Variants in ZNF160 observed in about 807,000 individuals in gnomAD.
The protein encoded by ZNF160 is KRAB zinc finger protein KR18.
A neutral mutation model predicts 13.1 loss-of-function variants in ZNF160; 9 were observed. The observed-to-expected ratio is 0.69, with a 90% CI of 0.41 to 1.20. ZNF160 has a LOEUF of 1.20. Ranked by LOEUF, ZNF160 falls within the 50% of genes most tolerant of loss-of-function variation. The pLI is 0.01. For missense variants in ZNF160, 838 were observed against 988.0 expected (o/e 0.85, Z 2.04); for synonymous variants, 293 against 333.2 (o/e 0.88, Z 1.31).
chr19:53,074,742 G>C (rs973082087), intron 4 of ZNF160, among the ~76,000 whole-genome samples: 2 of 150,756 alleles, frequency 1.3e-5, no homozygotes, highest in African/African-American at 4.9e-5. Flanking sequence ...CATGCTGATA[G>C]AAGGCTCTAT....
chr19:53,075,849 C>T (rs767569075), intron 3 of ZNF160: 9 of 518,338 alleles, frequency 1.7e-5, no homozygotes, highest in South Asian at 1.1e-4. Context: ...TTGAGAAGCA[C>T]AGGCCACAAC....
In ZNF160 at chr19:53,069,741, C is replaced by T. The variant is rs2084094486; in HGVS notation, c.793G>A (p.Ala265Thr). ...KPYKCNECGK[A>T]FTQNSNLTSH... ...GTAAGGTTCGAATTCTGAGTGAACG[C>T]CTTGCCACATTCATTACATTTATAA... is the stretch of plus-strand genomic sequence containing the variant. The change falls in exon 6 of 6, where the codon GCG becomes ACG. Residue 265 changes from alanine to threonine, a missense_variant. Around this residue, in one of 3 missense-constraint regions of ZNF160, gnomAD observed 387 missense variants for 402.3 expected, o/e 0.96. Coordinates refer to ENST00000683776, the MANE Select transcript of ZNF160 (RefSeq NM_001322131.2). This position sits in a 1 kb window ranked among gnomAD's most constrained non-coding sequence, Gnocchi z 4.4. 3 of 1,614,052 alleles carry T rather than the reference C, an allele frequency of 1.9e-6. No individual in the cohort carries two copies. The highest frequency in any genetic ancestry group is 1.3e-5 in the African/African-American group (1 of 75,000).
chr19:53,093,666 G>A (rs900196623), intron 1 of ZNF160: 1 of 152,060 alleles, frequency 6.6e-6, no homozygotes, highest in African/African-American at 2.4e-5. Context: ...AAATTATCCA[G>A]GTGTGGTGGT....
In ZNF160 at chr19:53,103,386, G is replaced by A. The variant is rs899147724; in HGVS notation, c.-475C>T. Reference sequence around the variant, plus strand: ...CACAGAGGAACACTCATACGCCATGGTGTGATGCTTGCTCCGCACGATCCA... The same window carrying A: ...CACAGAGGAACACTCATACGCCATGATGTGATGCTTGCTCCGCACGATCCA... On this transcript the variant is annotated 5_prime_UTR_variant, in exon 1 of 6. Coordinates refer to ENST00000683776, the MANE Select transcript of ZNF160 (RefSeq NM_001322131.2). 2 of 152,248 alleles carry A rather than the reference G, an allele frequency of 1.3e-5. No homozygotes were observed. The highest frequency in any genetic ancestry group is 2.4e-5 in the African/African-American group (1 of 41,440). The allele number at this position is 152,248 out of a possible 1,614,324, so 9.4% of individuals were successfully genotyped here.
intron 1 of ZNF160, among the ~76,000 whole-genome samples, chr19:53,102,159 T>C (rs987104468): frequency 7.9e-5 from 12 of 152,186 alleles, no homozygotes; most frequent in African/African-American, 2.9e-4. Context: ...ATTCTTCCAA[T>C]TTGTTTCACC....
Position 53,069,426 on chromosome 19 carries a change from T to C in ZNF160, c.1108A>G (p.Lys370Glu). The C allele has an allele frequency of 6.2e-7, 1 of 1,614,160 alleles. No individual in the cohort carries two copies. Among genetic ancestry groups the C allele is most frequent in the Non-Finnish European group, 8.5e-7 (1 of 1,180,034 alleles). Residue 370 changes from lysine (K) to glutamate (E), a missense_variant, in exon 6 of 6, where the codon AAA becomes GAA. This residue lies in a region of ZNF160 where 400 missense variants were observed against 538.9 expected (regional missense o/e 0.74). Transcript: ENST00000683776. This position sits in a 1 kb window ranked among gnomAD's most constrained non-coding sequence, Gnocchi z 4.4. ...QLIHTGEKPF[K>E]CNECGKLFTQ... ...AAGAGCTTGCCACATTCATTACATT[T>C]GAACGGTTTTTCTCCAGTATGAATT...
chr19:53,067,108 A>G lies in ZNF160; in HGVS notation c.*969T>C, dbSNP rs943898472. On this transcript the variant is annotated 3_prime_UTR_variant, in exon 6 of 6. Transcript: ENST00000683776. ...TCTCTTCAATTTCAAAACAAGATCA[A>G]TTTTTCATCACTCTTTGCTAAACAA... The G allele has an allele frequency of 1.3e-5, 2 of 152,086 alleles. No homozygotes were observed. Among genetic ancestry groups the G allele is most frequent in the Non-Finnish European group, 2.9e-5 (2 of 68,042 alleles). 9.4% of individuals were successfully genotyped at this position (152,086 alleles called of 1,614,324 possible).
chr19:53,077,519 A>G (rs1344346513), intron 3 of ZNF160: 1 of 151,892 alleles, frequency 6.6e-6, no homozygotes, highest in Non-Finnish European at 1.5e-5. Context: ...AAAATACAAA[A>G]ATTAGCCGGG....
In ZNF160 at chr19:53,069,804, G is replaced by A. The variant is rs1307503217; in HGVS notation, c.730C>T (p.Leu244Phe). Residue 244 changes from leucine (L) to phenylalanine (F), a missense_variant, in exon 6 of 6, where the codon CTC (leucine) becomes TTC (phenylalanine). By Grantham distance (22) the Leu-to-Phe change is conservative. Around this residue, in one of 3 missense-constraint regions of ZNF160, gnomAD observed 387 missense variants for 402.3 expected, o/e 0.96. Coordinates refer to ENST00000683776, the MANE Select transcript of ZNF160 (RefSeq NM_001322131.2). The surrounding 1 kb of genome is among the most constrained non-coding windows in gnomAD (Gnocchi z 4.4). ...CTGTTTGCTTTTCGTCTTTGTGTGA[G>A]TAATGAAAAATGGTTAAGTTCATGA... ...KYHELNHFSLLTQRRKANSCG... is the reference protein window; with the variant it reads ...KYHELNHFSLFTQRRKANSCG... 1 of 1,614,122 alleles carries A rather than the reference G, an allele frequency of 6.2e-7. No homozygotes were observed. Among genetic ancestry groups the A allele is most frequent in the Non-Finnish European group, 8.5e-7 (1 of 1,180,024 alleles).
At chr19:53,098,516 G>T (rs1172781834) in intron 1 of ZNF160, among the ~76,000 whole-genome samples, 2 of 151,700 alleles carry the variant, frequency 1.3e-5, no homozygotes, top group Non-Finnish European at 2.9e-5. Context: ...CCAGTTTAAA[G>T]GCAGGTGAAG....
intron 3 of ZNF160, chr19:53,085,131 C>T (rs1025096360): frequency 6.1e-6 from 6 of 983,790 alleles, no homozygotes; most frequent in Non-Finnish European, 7.2e-6. Context: ...GTGTGGCATT[C>T]TTTATAGAAG....
rs544941857 is a variant in ZNF160, at chr19:53,086,079, G to A, written c.15+183C>T. ...CATGCCCAGTGCAGCCTCTTCCCAA[G>A]TTCATGTCACTGGATCACGGGAGAT... On this transcript the variant is annotated intron_variant, in intron 3 of 5. Transcript: ENST00000683776. 1.1e-4 allele frequency: 157 copies of A among 1,377,474 alleles called. 3 individuals are homozygous for A. In the South Asian group the frequency reaches 1.7e-3, roughly 15 times the overall value. 85.3% of individuals were successfully genotyped at this position (1,377,474 alleles called of 1,614,324 possible).
Position 53,071,225 on chromosome 19 carries a change from T to C in ZNF160, c.272-963A>G, listed in dbSNP as rs184039321. ...TAAAAATAAAAAAATTAGTTTGGCATGCTGGCATGTGCCTGCAATTCTGGA... is the reference window on the plus strand; with the variant it reads ...TAAAAATAAAAAAATTAGTTTGGCACGCTGGCATGTGCCTGCAATTCTGGA... On this transcript the variant is annotated intron_variant, in intron 5 of 5. Coordinates refer to ENST00000683776, the MANE Select transcript of ZNF160 (RefSeq NM_001322131.2). Among the ~76,000 whole-genome samples the C allele has an allele frequency of 5.9e-5, 9 of 151,894 alleles. No homozygotes were observed. In the East Asian group the frequency reaches 1.6e-3, roughly 26 times the overall value.
At chr19:53,102,005 C>G (rs1174458513) in intron 1 of ZNF160, among the ~76,000 whole-genome samples, 2 of 152,160 alleles carry the variant, frequency 1.3e-5, no homozygotes, top group East Asian at 1.9e-4. Context: ...TCCTCTCCCC[C>G]ATTTTGTGCC....
At chr19:53,087,780 G>A (rs193181280) in intron 2 of ZNF160, among the ~76,000 whole-genome samples, 1 of 152,306 alleles carries the variant, frequency 6.6e-6, no homozygotes, top group African/African-American at 2.4e-5. Context: ...TCAAACTCCT[G>A]GCCTCAGGTG....
intron 2 of ZNF160, among the ~76,000 whole-genome samples, chr19:53,089,779 C>T (rs2084965408): frequency 6.6e-6 from 1 of 152,096 alleles, no homozygotes. Context: ...TTCCCTCTCT[C>T]ATTCTGTACA....
chr19:53,068,615 C>T lies in ZNF160; in HGVS notation c.1919G>A (p.Arg640Gln), dbSNP rs756011876. 14 of 1,613,578 alleles carry T rather than the reference C, an allele frequency of 8.7e-6. No homozygotes were observed. The highest frequency in any genetic ancestry group is 2.2e-5 in the South Asian group (2 of 91,062). ...FRHNSYLATH[R>Q]RIHTGEKPYK... ...AGGTTTCTCTCCAGTATGAATTCGC[C>T]GATGAGTTGCAAGGTATGAATTGTG... The change falls in exon 6 of 6, where the codon CGG (arginine) becomes CAG (glutamine). Residue 640 changes from arginine (R) to glutamine (Q), a missense_variant. Transcript: ENST00000683776.
Position 53,097,414 on chromosome 19 carries a change from G to A in ZNF160, c.-353-5694C>T, listed in dbSNP as rs111617454. On this transcript the variant is annotated intron_variant, in intron 1 of 5. Coordinates refer to ENST00000683776, the MANE Select transcript of ZNF160 (RefSeq NM_001322131.2). ...CCCGTTGCCCTCTGGACTCAGACAC[G>A]CTTACAAACTCCCACACTCCCCATA... 3.9e-3 allele frequency among the ~76,000 whole-genome samples: 586 copies of A among 151,280 alleles called. 6 individuals are homozygous for A. Among genetic ancestry groups the A allele is most frequent in the African/African-American group, 0.012 (490 of 40,824 alleles).
At chr19:53,072,303 T>C (rs2084210300) in intron 5 of ZNF160, among the ~76,000 whole-genome samples, 2 of 152,144 alleles carry the variant, frequency 1.3e-5, no homozygotes, top group Admixed American at 1.3e-4. Context: ...GATTTCACCA[T>C]GTTGGTCGGG....
Sources: gnomAD v4.1 joint callset for allele counts (sites outside exome capture counted in the v4.1 genomes callset) on GRCh38, gnomAD v4.1.1 for gene constraint, gnomAD v4.1.1 regional missense constraint, Gnocchi (gnomAD v3.1) non-coding constraint, MANE v1.5 for transcripts, NCBI Gene and HGNC (gene_info 2026-07-23, HGNC 2026-07-21) for gene names.